The following ASXL2 variants were observed in gnomAD, a reference collection of about 807,000 sequenced individuals.
ASXL2 encodes the protein putative Polycomb group protein ASXL2.
ASXL2 carries 23 observed loss-of-function variants against 122.0 expected under a neutral mutation model. The ratio of observed to expected loss-of-function variants is 0.19; its 90% CI spans 0.14 to 0.27. ASXL2 has a LOEUF of 0.27. Ranked by LOEUF, ASXL2 falls within the 10% of genes least tolerant of loss-of-function variation. ASXL2 has a pLI of 1.00. For synonymous variants in ASXL2, 650 were observed against 637.0 expected, an observed-to-expected ratio of 1.02 and a Z score of -0.31; for missense variants, 1,518 against 1,713.8, an observed-to-expected ratio of 0.89 and a Z score of 2.02.
Position 25,749,685 on chromosome 2 carries a change from C to T in ASXL2, c.1860+11G>A. 1 of 1,499,958 alleles carries T rather than the reference C, an allele frequency of 6.7e-7. No homozygotes were observed. The highest frequency in any genetic ancestry group is 8.9e-7 in the Non-Finnish European group (1 of 1,126,358). The allele number at this position is 1,499,958 out of a possible 1,614,324, so 92.9% of individuals were successfully genotyped here. Reference sequence around the variant, plus strand: ...CGATCTCTGCTTTTCTAATTCTCTCCATTCTCTTACCTTGAGAGGTGGTAC... The same window carrying T: ...CGATCTCTGCTTTTCTAATTCTCTCTATTCTCTTACCTTGAGAGGTGGTAC... On this transcript the variant is annotated intron_variant, in intron 12 of 12. Coordinates refer to ENST00000435504, the MANE Select transcript of ASXL2 (RefSeq NM_018263.6).
intron 2 of ASXL2, among the ~76,000 whole-genome samples, chr2:25,842,563 C>A (rs2089596898): frequency 6.6e-6 from 1 of 152,038 alleles, no homozygotes; most frequent in Admixed American, 6.6e-5. Flanking sequence ...CTGGATGATA[C>A]TGACATTAAG....
chr2:25,807,184 A>T (rs28639386), intron 3 of ASXL2, among the ~76,000 whole-genome samples: 1 of 152,178 alleles, frequency 6.6e-6, no homozygotes, highest in Non-Finnish European at 1.5e-5. Flanking sequence ...TTAAAAACTG[A>T]TCACAATACC....
intron 1 of ASXL2, among the ~76,000 whole-genome samples, chr2:25,866,584 CAATACT>C (rs2089906681): frequency 6.6e-6 from 1 of 152,122 alleles, no homozygotes; most frequent in Admixed American, 6.6e-5. Context: ...TGAAGCAATC[CAATACT>C]AAGACTGGGA....
At chr2:25,836,148 A>G (rs1428266659) in intron 2 of ASXL2, among the ~76,000 whole-genome samples, 1 of 152,224 alleles carries the variant, frequency 6.6e-6, no homozygotes, top group Non-Finnish European at 1.5e-5. Flanking sequence ...CCGAGGCCAA[A>G]GCAGGATTGC....
At chr2:25,823,194 T>C (rs535721952) in intron 3 of ASXL2, among the ~76,000 whole-genome samples, 1 of 152,224 alleles carries the variant, frequency 6.6e-6, no homozygotes, top group Non-Finnish European at 1.5e-5. Context: ...TAGATTTTCA[T>C]GAAGCTGTTG....
At chr2:25,832,678 T>G (rs2089467365) in intron 3 of ASXL2, among the ~76,000 whole-genome samples, 1 of 152,212 alleles carries the variant, frequency 6.6e-6, no homozygotes, top group Non-Finnish European at 1.5e-5. Context: ...GCAACAGCAC[T>G]TTCTGTACAT....
chr2:25,869,695 T>C (rs553826843), intron 1 of ASXL2, among the ~76,000 whole-genome samples: 1 of 151,562 alleles, frequency 6.6e-6, no homozygotes, highest in Non-Finnish European at 1.5e-5. Context: ...CGTGCGCCTG[T>C]AGTGCAGCTA....
At chr2:25,845,203 T>C (rs1025613528) in intron 2 of ASXL2, 2 of 392,368 alleles carry the variant, frequency 5.1e-6, no homozygotes, top group Non-Finnish European at 4.9e-6. Context: ...AAGAGACAGA[T>C]GAAGGCTTGA....
At chr2:25,826,592 T>G (rs751673262) in intron 3 of ASXL2, among the ~76,000 whole-genome samples, 8 of 152,116 alleles carry the variant, frequency 5.3e-5, no homozygotes, top group Non-Finnish European at 1.0e-4. Context: ...CAATCTCTTG[T>G]CCATTTTTTC....
intron 1 of ASXL2, among the ~76,000 whole-genome samples, chr2:25,877,909 C>A (rs969121429): frequency 6.6e-6 from 1 of 152,186 alleles, no homozygotes; most frequent in Non-Finnish European, 1.5e-5. Context: ...TCGGCTCGAC[C>A]CCAAAAGACA....
rs2087721888 is a variant in ASXL2 at position 25,735,533 on chromosome 2, G to T, written c.*6496C>A. On this transcript the variant is annotated 3_prime_UTR_variant, in exon 13 of 13. Transcript: ENST00000435504. ...CAACAATTCCAAATGAAGAGATACA[G>T]TTACTTATCATCTATAAGATGAAAA... The T allele has an allele frequency of 1.3e-5, 2 of 152,308 alleles. No homozygotes were observed. Among genetic ancestry groups the T allele is most frequent in the Non-Finnish European group, 2.9e-5 (2 of 68,022 alleles). 9.4% of individuals were successfully genotyped at this position (152,308 alleles called of 1,614,324 possible). A position where few individuals can be genotyped will look rare whatever the true frequency, so the allele number is the denominator to read the frequency against.
chr2:25,845,135 C>G (rs2089634481), intron 2 of ASXL2, among the ~76,000 whole-genome samples: 1 of 152,104 alleles, frequency 6.6e-6, no homozygotes, highest in Non-Finnish European at 1.5e-5. Flanking sequence ...CTAGGACTCT[C>G]CCTGTATGAG....
At chr2:25,826,828 GATTTT>G (rs1217308099) in intron 3 of ASXL2, among the ~76,000 whole-genome samples, 8 of 143,686 alleles carry the variant, frequency 5.6e-5, no homozygotes, top group African/African-American at 7.7e-5. Flanking sequence ...ACTTCAAGTC[GATTTT>G]ATTTTATTTA....
At chr2:25,785,488 G>A (rs2088724815) in intron 5 of ASXL2, among the ~76,000 whole-genome samples, 1 of 151,888 alleles carries the variant, frequency 6.6e-6, no homozygotes, top group Non-Finnish European at 1.5e-5. Context: ...ATTTCCCAAA[G>A]TGCTGGGATT....
At chr2:25,868,037 TCA>T (rs1426366882) in intron 1 of ASXL2, among the ~76,000 whole-genome samples, 1 of 152,244 alleles carries the variant, frequency 6.6e-6, no homozygotes, top group Admixed American at 6.5e-5. Context: ...CAAATTTATC[TCA>T]CAGTCTCAAG....
At chr2:25,773,207 CAA>C (rs1178925115) in intron 5 of ASXL2, among the ~76,000 whole-genome samples, 7 of 121,840 alleles carry the variant, frequency 5.7e-5, no homozygotes, top group Admixed American at 1.7e-4. Flanking sequence ...GAGTCCATCT[CAA>C]AAAAAAAAAA....
At chr2:25,821,879 G>A (rs187380157) in intron 3 of ASXL2, among the ~76,000 whole-genome samples, 91 of 152,224 alleles carry the variant, frequency 6.0e-4, no homozygotes, top group African/African-American at 2.0e-3. Flanking sequence ...TATGATGGAC[G>A]GACACTAATG....
At chr2:25,822,844 T>A (rs1218721671) in intron 3 of ASXL2, 1 of 555,298 alleles carries the variant, frequency 1.8e-6, no homozygotes, top group Admixed American at 1.9e-5. Context: ...TTCTCTGAGA[T>A]GATGAACAAC....
At chr2:25,790,376 TAAA>T (rs576916237) in intron 5 of ASXL2, among the ~76,000 whole-genome samples, 1 of 134,498 alleles carries the variant, frequency 7.4e-6, no homozygotes, top group Non-Finnish European at 1.6e-5. Context: ...GACTACATCT[TAAA>T]AAAAAAAACA....
Sources: allele counts gnomAD v4.1 joint callset (sites outside exome capture counted in the v4.1 genomes callset), GRCh38; gene constraint gnomAD v4.1.1; transcripts MANE v1.5; gene names NCBI Gene and HGNC (gene_info 2026-07-23, HGNC 2026-07-21).